Variants in MZF1 observed in about 807,000 individuals in gnomAD.
MZF1 encodes myeloid zinc finger 1, also known as zinc finger and SCAN domain-containing protein 6.
Under a neutral mutation model 28.6 loss-of-function variants are expected in MZF1, and 24 were observed. The ratio of observed to expected loss-of-function variants is 0.84; its 90% CI spans 0.61 to 1.18. The LOEUF (loss-of-function observed/expected upper bound fraction) is 1.18, where lower values mean the gene tolerates loss of function less well. MZF1 is among the 50% of genes most tolerant of loss of function. MZF1 has a pLI of 0.00. For synonymous variants in MZF1, 516 were observed against 432.5 expected (o/e 1.19, Z -2.40); for missense variants, 1,166 against 1,026.4 (o/e 1.14, Z -1.86).
At chr19:58,572,870 C>A (rs1017426869) in intron 1 of MZF1, 185 bp downstream of exon 1, 1 of 311,094 alleles carries the variant, frequency 3.2e-6, no homozygotes, top group Non-Finnish European at 6.6e-6. Flanking sequence ...GCTCCCAAAG[C>A]CTGTCGTCGT....
intron 2 of MZF1, 86 bp from the exon 3 acceptor site, chr19:58,570,613 A>G: frequency 1.4e-6 from 2 of 1,407,778 alleles, no homozygotes; most frequent in Non-Finnish European, 9.6e-7. Context: ...ATCCCACTGT[A>G]GGATCCCAGG....
rs766246594 is a variant in MZF1, at chr19:58,563,295, G to T, written c.982C>A (p.Pro328Thr). The change falls in exon 6 of 6, where the codon CCT (proline) becomes ACT (threonine). Residue 328 changes from proline (P) to threonine (T), a missense_variant. Transcript: ENST00000215057. ...CGCCAGCGGGTGGTGATCAGAGCAG[G>T]GCCCACACCCCGGCAGGGATCCTCG... is the stretch of plus-strand genomic sequence containing the variant. ...TDEDPCRGVG[P>T]ALITTRWRSP... 6.2e-7 allele frequency: 1 copy of T among 1,608,172 alleles called. No homozygotes were observed. Among genetic ancestry groups the T allele is most frequent in the Non-Finnish European group, 8.5e-7 (1 of 1,177,878 alleles).
At position 58,566,087 on chromosome 19, in the gene MZF1, G is replaced by A. The variant is rs886776337; in HGVS notation, c.773-2583C>T. ...ACCCGGGAGGCGGAGCTTGCAGTGA[G>A]TCGAGATTGTGCCACTGCACTCCAG... On this transcript the variant is annotated intron_variant, in intron 5 of 5. Coordinates refer to ENST00000215057, the MANE Select transcript of MZF1 (RefSeq NM_198055.2). Among the ~76,000 whole-genome samples, 13 of 150,908 alleles carry A rather than the reference G, an allele frequency of 8.6e-5. 1 individual carries two copies. The highest frequency in any genetic ancestry group is 3.2e-4 in the African/African-American group (13 of 41,020).
intron 5 of MZF1, chr19:58,569,025 C>T (rs2054107543): frequency 7.1e-6 from 3 of 422,216 alleles, no homozygotes; most frequent in Admixed American, 4.2e-5. Flanking sequence ...GCCCTGCTTG[C>T]AAAAGGTTTT....
At position 58,562,493 on chromosome 19, in the gene MZF1, T is replaced by C; in HGVS notation, c.1784A>G (p.Lys595Arg). The change falls in exon 6 of 6, where the codon AAA becomes AGA. Residue 595 changes from lysine to arginine, a missense_variant. By Grantham distance (26) the Lys-to-Arg change is conservative (BLOSUM62 2). Coordinates refer to ENST00000215057, the MANE Select transcript of MZF1 (RefSeq NM_198055.2). ...GCCACACTCGGGGCAGGCAAAGGGT[T>C]TCTCGCCCGTGTGTACGCGGAGATG... is the stretch of plus-strand genomic sequence containing the variant. ...TQHLRVHTGE[K>R]PFACPECGQR... 6.2e-7 allele frequency: 1 copy of C among 1,609,524 alleles called. No individual in the cohort carries two copies.
At chr19:58,565,634 G>A (rs1291417215) in intron 5 of MZF1, among the ~76,000 whole-genome samples, 3 of 152,052 alleles carry the variant, frequency 2.0e-5, no homozygotes, top group South Asian at 2.1e-4. Flanking sequence ...CCGGGTTCAC[G>A]CCATTCTCCT....
intron 3 of MZF1, 141 bp from the exon 4 acceptor site, chr19:58,569,727 T>C: frequency 1.5e-6 from 1 of 675,902 alleles, no homozygotes; most frequent in Non-Finnish European, 2.5e-6. Flanking sequence ...GCAGGGTAGC[T>C]GAGGGCCCAG....
rs1329634562 is a variant in MZF1 at position 58,571,121 on chromosome 19, T to TC, written c.268dup (p.Glu90GlyfsTer10). ...AGGGGGCAGTGCGCCCAGGAACTGC[T>TC]CCAGCACCAACAGCTCCAGCATCTG... On this transcript the variant is annotated frameshift_variant, in exon 2 of 6. Coordinates refer to ENST00000215057, the MANE Select transcript of MZF1 (RefSeq NM_198055.2). LOFTEE classifies it high-confidence loss of function. 1.2e-6 allele frequency: 2 copies of TC among 1,613,916 alleles called. No homozygotes were observed. The highest frequency in any genetic ancestry group is 2.7e-5 in the African/African-American group (2 of 74,930).
chr19:58,566,938 C>T (rs1430135961), intron 5 of MZF1, among the ~76,000 whole-genome samples: 1 of 151,886 alleles, frequency 6.6e-6, no homozygotes, highest in South Asian at 2.1e-4. Context: ...GTCTCACCCC[C>T]ATTGCCCAGA....
chr19:58,567,746 C>T (rs2054084938), intron 5 of MZF1, among the ~76,000 whole-genome samples: 1 of 152,224 alleles, frequency 6.6e-6, no homozygotes, highest in African/African-American at 2.4e-5. Flanking sequence ...CTGCTCAGAG[C>T]TGTCAGCCAG....
In MZF1 at chr19:58,563,160, T is replaced by C. The variant is rs751563614; in HGVS notation, c.1117A>G (p.Arg373Gly). ...KVFSQRSNLL[R>G]HQKIHTGERP... ...TCACCCGTGTGGATCTTCTGGTGCC[T>C]CAGCAGGTTGCTGCGTTGGCTGAAC... Residue 373 changes from arginine (R) to glycine (G), a missense_variant, in exon 6 of 6, where the codon AGG (arginine) becomes GGG (glycine). Coordinates refer to ENST00000215057, the MANE Select transcript of MZF1 (RefSeq NM_198055.2). 1.9e-6 allele frequency: 3 copies of C among 1,609,418 alleles called. No individual in the cohort carries two copies. The highest frequency in any genetic ancestry group is 2.5e-6 in the Non-Finnish European group (3 of 1,179,574).
chr19:58,572,427 C>G, intron 1 of MZF1: 2 of 657,620 alleles, frequency 3.0e-6, no homozygotes, highest in South Asian at 3.3e-5. Context: ...GGTGGGGGGG[C>G]GGCAAAGGCT....
At chr19:58,568,602 G>T (rs1312730960) in intron 5 of MZF1, 1 of 152,178 alleles carries the variant, frequency 6.6e-6, no homozygotes, top group African/African-American at 2.4e-5. Flanking sequence ...AATGTTGAGG[G>T]CTAGACAATG....
chr19:58,562,895 A>G lies in MZF1; in HGVS notation c.1382T>C (p.Ile461Thr). The G allele has an allele frequency of 6.3e-7, 1 of 1,578,066 alleles. No homozygotes were observed. The highest frequency in any genetic ancestry group is 8.6e-7 in the Non-Finnish European group (1 of 1,168,100). Residue 461 changes from isoleucine to threonine, a missense_variant, in exon 6 of 6, where the codon ATC becomes ACC. Coordinates refer to ENST00000215057, the MANE Select transcript of MZF1 (RefSeq NM_198055.2). ...QRSNLLQHQR[I>T]HGDPPGPGAK... ...GCCAGGGCCCGGGGGATCGCCGTGG[A>G]TGCGCTGGTGCTGCAGCAGATTGGA...
chr19:58,569,108 G>A (rs1568683882), intron 5 of MZF1, 169 bp downstream of exon 5: 3 of 873,050 alleles, frequency 3.4e-6, no homozygotes, highest in Non-Finnish European at 5.0e-6. Flanking sequence ...TTTTTTTGAG[G>A]GCAGAAGATG....
At chr19:58,565,198 G>C (rs978204807) in intron 5 of MZF1, among the ~76,000 whole-genome samples, 3 of 151,414 alleles carry the variant, frequency 2.0e-5, no homozygotes, top group Admixed American at 6.6e-5. Flanking sequence ...GGGTTCAAGC[G>C]GTTCTTCTGC....
chr19:58,569,486 G>T (rs375211422), intron 4 of MZF1, 30 bp downstream of exon 4: 1 of 1,613,292 alleles, frequency 6.2e-7, no homozygotes, highest in Admixed American at 1.7e-5. Context: ...CCAGGGAAAG[G>T]AGGAGAACAT....
chr19:58,562,845 C>T lies in MZF1; in HGVS notation c.1432G>A (p.Ala478Thr). The T allele has an allele frequency of 6.5e-7, 1 of 1,537,920 alleles. No individual in the cohort carries two copies. The highest frequency in any genetic ancestry group is 8.7e-7 in the Non-Finnish European group (1 of 1,148,454). ...GGAAAGGGGCCGGGAGGCTCGGGCGCACCAGGAGGGGCCGGGGGCTTAGCG... is the reference window on the plus strand; with the variant it reads ...GGAAAGGGGCCGGGAGGCTCGGGCGTACCAGGAGGGGCCGGGGGCTTAGCG... ...PGAKPPAPPGAPEPPGPFPCS... is the reference protein window; with the variant it reads ...PGAKPPAPPGTPEPPGPFPCS... Residue 478 changes from alanine (A) to threonine (T), a missense_variant, in exon 6 of 6, where the codon GCG becomes ACG. By Grantham distance (58) the Ala-to-Thr change is moderately conservative. Coordinates refer to ENST00000215057, the MANE Select transcript of MZF1 (RefSeq NM_198055.2).
At position 58,571,156 on chromosome 19, in the gene MZF1, G is replaced by C. The variant is rs1039416941; in HGVS notation, c.234C>G (p.Arg78=). 6.2e-7 allele frequency: 1 copy of C among 1,613,922 alleles called. No homozygotes were observed. Among genetic ancestry groups the C allele is most frequent in the African/African-American group, 1.3e-5 (1 of 74,944 alleles). ...LCRQWLRPEV[R]SKEQMLELLV... ...ACAGCTCCAGCATCTGCTCCTTGGA[G>C]CGTACCTCTGGACGCAGCCACTGGC... The change falls in exon 2 of 6, where the codon CGC becomes CGG. Residue 78 remains arginine (R), a synonymous_variant. Transcript: ENST00000215057.
Sources: allele counts gnomAD v4.1 joint callset (sites outside exome capture counted in the v4.1 genomes callset), GRCh38; gene constraint gnomAD v4.1.1; transcripts MANE v1.5; gene names NCBI Gene and HGNC (gene_info 2026-07-23, HGNC 2026-07-21).